The following SON variants were observed in gnomAD, a reference collection of about 807,000 sequenced individuals.
The protein encoded by SON is protein SON.
SON carries 4 observed loss-of-function variants against 173.3 expected under a neutral mutation model. The ratio of observed to expected loss-of-function variants is 0.02; its 90% CI spans 0.01 to 0.05. The LOEUF (loss-of-function observed/expected upper bound fraction) is 0.05. SON is among the 10% of genes least tolerant of loss of function. The pLI, the probability that SON is intolerant of heterozygous loss-of-function variation, is 1.00. For synonymous variants in SON, 1,190 were observed against 1,105.9 expected (o/e 1.08, Z -1.51); for missense variants, 2,626 against 3,055.3 (o/e 0.86, Z 3.31).
At chr21:33,575,955 G>C in intron 11 of SON, 62 bp downstream of exon 11, 1 of 778,144 alleles carries the variant, frequency 1.3e-6, no homozygotes, top group Non-Finnish European at 2.1e-6. Context: ...AGAGGGTGAG[G>C]GGTAAACATG....
chr21:33,575,427 G>A, intron 9 of SON, 169 bp from the exon 10 acceptor site: 1 of 490,190 alleles, frequency 2.0e-6, no homozygotes, highest in Admixed American at 3.7e-5. Context: ...TTTATATGCT[G>A]AAAAACAGTA....
At chr21:33,575,432 AC>A (rs1441515457) in intron 9 of SON, 163 bp from the exon 10 acceptor site, 3 of 492,142 alleles carry the variant, frequency 6.1e-6, no homozygotes, top group Non-Finnish European at 1.1e-5. Context: ...ATGCTGAAAA[AC>A]AGTAAAAGAG....
At position 33,550,534 on chromosome 21, in the gene SON, G is replaced by C. The variant is rs555774690; in HGVS notation, c.1303G>C (p.Val435Leu). Residue 435 changes from valine (V) to leucine (L), a missense_variant, in exon 3 of 12, where the codon GTG becomes CTG. By Grantham distance (32) the Val-to-Leu change is conservative. This residue lies in a region of SON where 757 missense variants were observed against 730.1 expected (regional missense o/e 1.04). Transcript: ENST00000356577. ...GTTGCCAGGGCCCCCTGCGACAGCA[G>C]TGCCTGAGTTGCCAGGGCCCTCTGT... The part of the protein sequence containing the change: ...PELPGPPATA[V>L]PELPGPSVTP... 1.2e-6 allele frequency: 2 copies of C among 1,613,900 alleles called. No individual in the cohort carries two copies. The highest frequency in any genetic ancestry group is 1.7e-6 in the Non-Finnish European group (2 of 1,179,958).
rs752334882 is a variant in SON, at chr21:33,551,930, C to T, written c.2699C>T (p.Thr900Ile). 6.2e-7 allele frequency: 1 copy of T among 1,614,082 alleles called. No individual in the cohort carries two copies. The highest frequency in any genetic ancestry group is 1.3e-5 in the African/African-American group (1 of 74,994). ...GATGCCCAGATGTTAGCGTCTAGTA[C>T]CCAAGATTCTGCTATGTTGGGTTCA... ...TMDAQMLASS[T>I]QDSAMLGSKS... Residue 900 changes from threonine (T) to isoleucine (I), a missense_variant, in exon 3 of 12, where the codon ACC (threonine) becomes ATC (isoleucine). Physicochemically the swap from Thr to Ile is moderately conservative, Grantham distance 89 (BLOSUM62 -1). Transcript: ENST00000356577.
At chr21:33,556,054 TGAA>T (rs1200659010) in intron 3 of SON, among the ~76,000 whole-genome samples, 2 of 152,212 alleles carry the variant, frequency 1.3e-5, no homozygotes, top group African/African-American at 2.4e-5. Flanking sequence ...TTGATCGATA[TGAA>T]TGATTACCTA....
intron 8 of SON, chr21:33,572,136 T>A (rs559727900): frequency 2.0e-5 from 3 of 150,664 alleles, no homozygotes; most frequent in East Asian, 3.9e-4. Context: ...GAAGTTTTTT[T>A]ACTCTCTCTG....
In SON at chr21:33,576,519, T is replaced by C. The variant is rs545711313; in HGVS notation, c.*95T>C. ...CTGTGGTTCTTCAAGCAATGGGCCT[T>C]GTACCAAAGGACCTCATGGCTAATG... On this transcript the variant is annotated 3_prime_UTR_variant, in exon 12 of 12. Coordinates refer to ENST00000356577, the MANE Select transcript of SON (RefSeq NM_138927.4). 1.2e-6 allele frequency: 1 copy of C among 826,322 alleles called. No individual in the cohort carries two copies. The highest frequency in any genetic ancestry group is 1.7e-5 in the African/African-American group (1 of 60,070). 51.2% of individuals were successfully genotyped at this position (826,322 alleles called of 1,614,324 possible). A position where few individuals can be genotyped will look rare whatever the true frequency, so the allele number is the denominator to read the frequency against.
rs749157286 is a variant in SON, at chr21:33,551,452, A to T, written c.2221A>T (p.Met741Leu). 10 of 1,613,976 alleles carry T rather than the reference A, an allele frequency of 6.2e-6. No homozygotes were observed. The highest frequency in any genetic ancestry group is 1.3e-5 in the African/African-American group (1 of 74,898). ...CTCCCAAATGCTAGCGTCCAACACC[A>T]TGGACTCCCAGATGCTAGCATCCAA... is the stretch of plus-strand genomic sequence containing the variant. ...MDSQMLASNTMDSQMLASNTM... is the reference protein window; with the variant it reads ...MDSQMLASNTLDSQMLASNTM... The change falls in exon 3 of 12, where the codon ATG (methionine) becomes TTG (leucine). Residue 741 changes from methionine to leucine, a missense_variant. By Grantham distance (15) the Met-to-Leu change is conservative. Transcript: ENST00000356577.
intron 6 of SON, among the ~76,000 whole-genome samples, chr21:33,563,748 T>G (rs2086112667): frequency 6.6e-6 from 1 of 152,184 alleles, no homozygotes; most frequent in African/African-American, 2.4e-5. Flanking sequence ...AAGGCTCACT[T>G]AAATGTATTA....
At chr21:33,567,511 C>T in intron 7 of SON, 1 of 472,436 alleles carries the variant, frequency 2.1e-6, no homozygotes, top group South Asian at 2.7e-5. Flanking sequence ...AGAAAAATTT[C>T]CCTGTCCTCA....
chr21:33,554,508 T>C lies in SON; in HGVS notation c.5277T>C (p.Ser1759=), dbSNP rs760574731. The C allele has an allele frequency of 6.2e-7, 1 of 1,614,032 alleles. No homozygotes were observed. Among genetic ancestry groups the C allele is most frequent in the Non-Finnish European group, 8.5e-7 (1 of 1,180,012 alleles). The change falls in exon 3 of 12, where the codon AGT becomes AGC. Residue 1759 remains serine (S), a synonymous_variant. Coordinates refer to ENST00000356577, the MANE Select transcript of SON (RefSeq NM_138927.4). ...RAGIEGPLLA[S]DVGRDRSAAS... ...GCATTGAAGGACCTTTACTTGCAAG[T>C]GATGTTGGACGTGACAGATCTGCTG...
At chr21:33,561,294 A>G (rs993045103) in intron 6 of SON, among the ~76,000 whole-genome samples, 5 of 152,222 alleles carry the variant, frequency 3.3e-5, no homozygotes, top group African/African-American at 1.2e-4. Context: ...ATCTCAAGAG[A>G]GAAAGGTTAA....
intron 3 of SON, among the ~76,000 whole-genome samples, chr21:33,555,880 G>A (rs2085956465): frequency 6.6e-6 from 1 of 152,186 alleles, no homozygotes; most frequent in Non-Finnish European, 1.5e-5. Context: ...ATGGAAGTGA[G>A]TGGGGAATTT....
At chr21:33,574,210 G>T (rs2086349358) in intron 9 of SON, among the ~76,000 whole-genome samples, 2 of 152,170 alleles carry the variant, frequency 1.3e-5, no homozygotes, top group Non-Finnish European at 2.9e-5. Context: ...TATGATTTTT[G>T]TATAGCTTGT....
intron 8 of SON, chr21:33,569,617 ACTC>A (rs1569067707): frequency 2.2e-6 from 1 of 462,558 alleles, no homozygotes. Context: ...CCCGTTCCTC[ACTC>A]CTCTTGTGAC....
Position 33,559,438 on chromosome 21 carries a change from C to G in SON, c.6468+62C>G. 2 of 1,516,608 alleles carry G rather than the reference C, an allele frequency of 1.3e-6. No individual in the cohort carries two copies. The highest frequency in any genetic ancestry group is 1.8e-6 in the Non-Finnish European group (2 of 1,125,952). 93.9% of individuals were successfully genotyped at this position (1,516,608 alleles called of 1,614,324 possible). On this transcript the variant is annotated intron_variant, in intron 5 of 11. Coordinates refer to ENST00000356577, the MANE Select transcript of SON (RefSeq NM_138927.4). This position sits in a 1 kb window ranked among gnomAD's most constrained non-coding sequence, Gnocchi z 4.1. ...AACTTGTGGAACTATTTAAATAAAACCCAAATCGAATTTAGTTTATTAATT... is the reference window on the plus strand; with the variant it reads ...AACTTGTGGAACTATTTAAATAAAAGCCAAATCGAATTTAGTTTATTAATT...
rs2085787740 is a variant in SON at position 33,551,536 on chromosome 21, A to G, written c.2305A>G (p.Ser769Gly). The change falls in exon 3 of 12, where the codon AGC becomes GGC. Residue 769 changes from serine to glycine, a missense_variant. Physicochemically the swap from Ser to Gly is moderately conservative, Grantham distance 56. Around this residue, in one of 13 missense-constraint regions of SON, gnomAD observed 182 missense variants for 193.6 expected, o/e 0.94. Coordinates refer to ENST00000356577, the MANE Select transcript of SON (RefSeq NM_138927.4). ...STMDSQMLAT[S>G]SMDSQMLATS... is the part of the protein sequence containing the mutation. ...CATGGACTCCCAGATGTTAGCAACT[A>G]GCTCCATGGACTCCCAGATGTTAGC... The G allele has an allele frequency of 1.2e-6, 2 of 1,613,940 alleles. No homozygotes were observed. Among genetic ancestry groups the G allele is most frequent in the Non-Finnish European group, 1.7e-6 (2 of 1,179,904 alleles).
chr21:33,554,278 T>C lies in SON; in HGVS notation c.5047T>C (p.Leu1683=), dbSNP rs1569058141. ...NLVSKDTEEP[L]PVKESDQTLA... ...TGTTAGTAAGGATACAGAAGAACCA[T>C]TACCTGTAAAAGAGAGTGACCAGAC... is the stretch of plus-strand genomic sequence containing the variant. Residue 1683 remains leucine (L), a synonymous_variant, in exon 3 of 12, where the codon TTA becomes CTA. Transcript: ENST00000356577. 1.2e-6 allele frequency: 2 copies of C among 1,614,116 alleles called. No individual in the cohort carries two copies. The highest frequency in any genetic ancestry group is 1.6e-4 in the Middle Eastern group (1 of 6,062).
At chr21:33,568,681 A>G (rs868549361) in intron 7 of SON, among the ~76,000 whole-genome samples, 2 of 152,170 alleles carry the variant, frequency 1.3e-5, no homozygotes, top group Non-Finnish European at 1.5e-5. Flanking sequence ...CCATTGTCAT[A>G]TGAGCTCTTT....
Sources: gnomAD v4.1 joint callset for allele counts (sites outside exome capture counted in the v4.1 genomes callset) on GRCh38, gnomAD v4.1.1 for gene constraint, gnomAD v4.1.1 regional missense constraint, Gnocchi (gnomAD v3.1) non-coding constraint, MANE v1.5 for transcripts, NCBI Gene and HGNC (gene_info 2026-07-23, HGNC 2026-07-21) for gene names.